The following PPP1R16B variants were observed in gnomAD, a reference collection of about 807,000 sequenced individuals.
PPP1R16B encodes protein phosphatase 1 regulatory inhibitor subunit 16B.
A neutral mutation model predicts 61.7 loss-of-function variants in PPP1R16B; 14 were observed. The ratio of observed to expected loss-of-function variants is 0.23; its 90% CI spans 0.15 to 0.35. The LOEUF (loss-of-function observed/expected upper bound fraction) is 0.35, where lower values mean the gene tolerates loss of function less well. Ranked by LOEUF, PPP1R16B falls within the 10% of genes least tolerant of loss-of-function variation. The pLI is 1.00. For synonymous variants in PPP1R16B, 266 were observed against 305.3 expected (o/e 0.87, Z 1.34); for missense variants, 547 against 752.5 (o/e 0.73, Z 3.19).
chr20:38,828,622 CA>C (rs1290151427), intron 1 of PPP1R16B, among the ~76,000 whole-genome samples: 1 of 152,194 alleles, frequency 6.6e-6, no homozygotes, highest in Non-Finnish European at 1.5e-5. Flanking sequence ...ATGGTGGCAA[CA>C]AGGCTTCCAG....
chr20:38,884,272 T>C (rs1252902645), intron 2 of PPP1R16B, among the ~76,000 whole-genome samples: 1 of 152,150 alleles, frequency 6.6e-6, no homozygotes, highest in African/African-American at 2.4e-5. Flanking sequence ...ACACAGACTA[T>C]GATGAGAACA....
chr20:38,899,099 G>A (rs544886460), intron 4 of PPP1R16B, among the ~76,000 whole-genome samples: 108 of 152,188 alleles, frequency 7.1e-4, no homozygotes, highest in Non-Finnish European at 9.4e-4. Context: ...TTGGCAGAGC[G>A]GCAGGAGCCC....
At chr20:38,877,708 C>T (rs1295058253) in intron 2 of PPP1R16B, among the ~76,000 whole-genome samples, 2 of 152,094 alleles carry the variant, frequency 1.3e-5, no homozygotes, top group African/African-American at 4.8e-5. Flanking sequence ...CCCTCCTGCA[C>T]CGCTAGCCCC....
rs950323834 is a variant in PPP1R16B, at chr20:38,805,714, C to A, written c.-180C>A. 9 of 152,414 alleles carry A rather than the reference C, an allele frequency of 5.9e-5. No homozygotes were observed. The highest frequency in any genetic ancestry group is 3.3e-4 in the Admixed American group (5 of 15,312). The allele number at this position is 152,414 out of a possible 1,614,324, so 9.4% of individuals were successfully genotyped here. On this transcript the variant is annotated 5_prime_UTR_variant, in exon 1 of 11. Transcript: ENST00000299824. ...GGCCGAGCAGAGCCAGCTCTGTCGC[C>A]GCTGGAGCAGCTGCGGCTCGGGGAC... is the stretch of plus-strand genomic sequence containing the variant.
intron 1 of PPP1R16B, among the ~76,000 whole-genome samples, chr20:38,834,957 C>T (rs149145888): frequency 4.4e-4 from 67 of 152,284 alleles, no homozygotes; most frequent in Admixed American, 1.8e-3. Context: ...CTTGTATCTA[C>T]TTCTGCATTT....
intron 1 of PPP1R16B, among the ~76,000 whole-genome samples, chr20:38,830,999 TA>T (rs1348259460): frequency 6.6e-5 from 10 of 152,330 alleles, no homozygotes; most frequent in African/African-American, 2.4e-4. Context: ...TTCAGGATCT[TA>T]GGGCTGAAAG....
chr20:38,826,523 C>T (rs1473805891), intron 1 of PPP1R16B, among the ~76,000 whole-genome samples: 1 of 152,104 alleles, frequency 6.6e-6, no homozygotes, highest in Non-Finnish European at 1.5e-5. Context: ...ATGGGTATTC[C>T]TTTACCTGTT....
At chr20:38,805,960 G>T (rs1455484965) in intron 1 of PPP1R16B, among the ~76,000 whole-genome samples, 168 bp downstream of exon 1, 1 of 152,062 alleles carries the variant, frequency 6.6e-6, no homozygotes, top group East Asian at 1.9e-4. Flanking sequence ...TGGGGACTCT[G>T]GAAAGACGGG....
At chr20:38,845,763 C>T (rs547367205) in intron 2 of PPP1R16B, among the ~76,000 whole-genome samples, 5 of 152,218 alleles carry the variant, frequency 3.3e-5, no homozygotes, top group South Asian at 2.1e-4. Context: ...CATTTGATTT[C>T]GATGAAAAGC....
intron 10 of PPP1R16B, among the ~76,000 whole-genome samples, chr20:38,908,410 G>T (rs961999848): frequency 3.3e-5 from 5 of 152,196 alleles, no homozygotes; most frequent in African/African-American, 1.2e-4. Flanking sequence ...AGGTGATCGG[G>T]GAGTGTGTTA....
intron 2 of PPP1R16B, among the ~76,000 whole-genome samples, chr20:38,867,817 C>T (rs1276436402): frequency 1.3e-5 from 2 of 152,040 alleles, no homozygotes; most frequent in South Asian, 2.1e-4. Flanking sequence ...GGATTACAGG[C>T]GCCCGCCACC....
chr20:38,882,234 T>G (rs116217518), intron 2 of PPP1R16B, among the ~76,000 whole-genome samples: 1,991 of 152,240 alleles, frequency 0.013, 32 homozygotes, highest in African/African-American at 0.046. Flanking sequence ...TTGAGTCCCC[T>G]GTATCCAGCC....
chr20:38,911,985 T>C (rs1444134520), intron 10 of PPP1R16B, among the ~76,000 whole-genome samples: 2 of 152,112 alleles, frequency 1.3e-5, no homozygotes, highest in Non-Finnish European at 2.9e-5. Flanking sequence ...GAGTCACGGG[T>C]AGGCATATGT....
intron 1 of PPP1R16B, among the ~76,000 whole-genome samples, chr20:38,835,605 TA>T (rs1441660911): frequency 6.6e-6 from 1 of 152,232 alleles, no homozygotes; most frequent in Non-Finnish European, 1.5e-5. Context: ...CTAATTGATT[TA>T]AATTTAAATA....
chr20:38,872,496 G>C (rs2085137049), intron 2 of PPP1R16B, among the ~76,000 whole-genome samples: 1 of 152,326 alleles, frequency 6.6e-6, no homozygotes, highest in Non-Finnish European at 1.5e-5. Flanking sequence ...TCTCAAACTT[G>C]ACAGTGCACT....
intron 2 of PPP1R16B, among the ~76,000 whole-genome samples, chr20:38,859,694 G>T (rs1314320386): frequency 6.6e-6 from 1 of 151,952 alleles, no homozygotes; most frequent in Non-Finnish European, 1.5e-5. Flanking sequence ...GTCTTGATAT[G>T]TTGCCCAGGC....
chr20:38,856,164 A>G (rs2085007870), intron 2 of PPP1R16B, among the ~76,000 whole-genome samples: 1 of 151,830 alleles, frequency 6.6e-6, no homozygotes, highest in Admixed American at 6.6e-5. Flanking sequence ...ATGAAGAAGC[A>G]GGTAAGGTGA....
intron 3 of PPP1R16B, among the ~76,000 whole-genome samples, chr20:38,891,061 A>T (rs1469167829): frequency 6.6e-6 from 1 of 152,234 alleles, no homozygotes; most frequent in African/African-American, 2.4e-5. Flanking sequence ...ACTAGGGAGC[A>T]GAGAGCGGGT....
intron 1 of PPP1R16B, among the ~76,000 whole-genome samples, chr20:38,811,831 A>G (rs2084702661): frequency 6.6e-6 from 1 of 152,230 alleles, no homozygotes; most frequent in Non-Finnish European, 1.5e-5. Context: ...CCCCCACAAC[A>G]GAAAATGATC....
Sources: allele counts gnomAD v4.1 joint callset (sites outside exome capture counted in the v4.1 genomes callset), GRCh38; gene constraint gnomAD v4.1.1; transcripts MANE v1.5; gene names NCBI Gene and HGNC (gene_info 2026-07-23, HGNC 2026-07-21).